PAPPA: variants seen among roughly 807,000 people sequenced by gnomAD.
PAPPA encodes pappalysin 1.
Under a neutral mutation model 164.0 loss-of-function variants are expected in PAPPA, and 60 were observed. The observed-to-expected ratio is 0.37, with a 90% confidence interval of 0.30 to 0.45. The LOEUF is 0.45. Ranked by LOEUF, PAPPA falls within the 20% of genes least tolerant of loss-of-function variation. The probability of loss-of-function intolerance (pLI) is 1.00; values close to 1 mark genes in which losing one functional copy is unlikely to be tolerated. For synonymous variants in PAPPA, 875 were observed against 814.1 expected, an observed-to-expected ratio of 1.07 and a Z score of -1.27; for missense variants, 1,782 against 2,087.3, an observed-to-expected ratio of 0.85 and a Z score of 2.85.
chr9:116,364,152 T>C (rs1846468183), intron 18 of PAPPA, among the ~76,000 whole-genome samples: 1 of 152,178 alleles, frequency 6.6e-6, no homozygotes, highest in Non-Finnish European at 1.5e-5. Context: ...GCCAACACTT[T>C]CTCCTTTCCA....
At chr9:116,243,003 G>A (rs910902184) in intron 7 of PAPPA, among the ~76,000 whole-genome samples, 2 of 152,050 alleles carry the variant, frequency 1.3e-5, no homozygotes, top group African/African-American at 4.8e-5. Context: ...TCCTTAAGAT[G>A]GGCCTCATCT....
intron 1 of PAPPA, among the ~76,000 whole-genome samples, chr9:116,166,021 A>G (rs1564171721): frequency 6.6e-6 from 1 of 152,204 alleles, no homozygotes; most frequent in Non-Finnish European, 1.5e-5. Context: ...TTGTTTAATA[A>G]ATGGATAACT....
chr9:116,294,803 G>C (rs1032804151), intron 9 of PAPPA, among the ~76,000 whole-genome samples: 1 of 152,082 alleles, frequency 6.6e-6, no homozygotes, highest in African/African-American at 2.4e-5. Context: ...TTTTTTTCTG[G>C]CCTTTAAAGA....
At chr9:116,299,673 T>C (rs564484674) in intron 9 of PAPPA, among the ~76,000 whole-genome samples, 9 of 152,168 alleles carry the variant, frequency 5.9e-5, no homozygotes, top group Admixed American at 3.9e-4. Context: ...CTGTGGCATG[T>C]AGGGAGAAGA....
At chr9:116,281,234 G>A (rs373261107) in intron 9 of PAPPA, among the ~76,000 whole-genome samples, 269 of 152,178 alleles carry the variant, frequency 1.8e-3, no homozygotes, top group Admixed American at 3.6e-3. Flanking sequence ...CCAATGCTTC[G>A]AAGATACCTA....
intron 13 of PAPPA, among the ~76,000 whole-genome samples, chr9:116,344,036 G>T (rs571120284): frequency 6.6e-6 from 1 of 152,236 alleles, no homozygotes; most frequent in East Asian, 1.9e-4. Context: ...AAAGTGCTGG[G>T]ATTACAGGCA....
At chr9:116,275,581 C>T (rs1845186753) in intron 9 of PAPPA, among the ~76,000 whole-genome samples, 1 of 152,016 alleles carries the variant, frequency 6.6e-6, no homozygotes, top group Non-Finnish European at 1.5e-5. Context: ...GAATGACTTT[C>T]TTCCTTCCAC....
chr9:116,303,943 G>A (rs761407568), intron 10 of PAPPA, among the ~76,000 whole-genome samples: 3 of 152,144 alleles, frequency 2.0e-5, no homozygotes, highest in Non-Finnish European at 2.9e-5. Context: ...CATCACTAAA[G>A]CCTTTATTCA....
chr9:116,219,766 C>T (rs535582271), intron 4 of PAPPA, among the ~76,000 whole-genome samples, 171 bp from the exon 5 acceptor site: 1 of 152,266 alleles, frequency 6.6e-6, no homozygotes, highest in South Asian at 2.1e-4. Flanking sequence ...GTGATGACTA[C>T]ACTAATTTGT....
chr9:116,372,905 G>C (rs1649324955), intron 19 of PAPPA, among the ~76,000 whole-genome samples: 1 of 152,196 alleles, frequency 6.6e-6, no homozygotes, highest in Admixed American at 6.5e-5. Context: ...GAGGCTCAAA[G>C]AGGTTGTCAT....
At chr9:116,280,979 A>G (rs1225048862) in intron 9 of PAPPA, among the ~76,000 whole-genome samples, 1 of 152,232 alleles carries the variant, frequency 6.6e-6, no homozygotes, top group Non-Finnish European at 1.5e-5. Flanking sequence ...ACATCCTCAG[A>G]TTCAACCAAT....
At chr9:116,178,641 A>G (rs957320629) in intron 1 of PAPPA, among the ~76,000 whole-genome samples, 3 of 152,214 alleles carry the variant, frequency 2.0e-5, no homozygotes, top group African/African-American at 4.8e-5. Flanking sequence ...GCCTCACACC[A>G]CTGTCCATGT....
rs138444890 is a variant in PAPPA, at chr9:116,158,050, A to G, written c.415+3463A>G. Among the ~76,000 whole-genome samples, 1,455 of 151,972 alleles carry G rather than the reference A, an allele frequency of 9.6e-3. 39 individuals are homozygous for G. Among genetic ancestry groups the G allele is most frequent in the African/African-American group, 0.033 (1,386 of 41,428 alleles). ...ACCCCACAAGTACTGCCCTCCTCCC[A>G]CCCCTGTCCCACTCCCCTTGCCTTA... On this transcript the variant is annotated intron_variant, in intron 1 of 21. Coordinates refer to ENST00000328252, the MANE Select transcript of PAPPA (RefSeq NM_002581.5).
At chr9:116,353,561 C>A in intron 16 of PAPPA, 61 bp from the exon 17 acceptor site, 1 of 1,456,448 alleles carries the variant, frequency 6.9e-7, no homozygotes, top group Non-Finnish European at 9.4e-7. Flanking sequence ...GGTGTTCATG[C>A]AGGGCATGGA....
chr9:116,384,581 C>CTT (rs1846780677), intron 21 of PAPPA, among the ~76,000 whole-genome samples: 1 of 151,968 alleles, frequency 6.6e-6, no homozygotes, highest in Non-Finnish European at 1.5e-5. Context: ...TTATTTTTAA[C>CTT]TTTTGGATTA....
chr9:116,352,824 G>A lies in PAPPA; in HGVS notation c.4083G>A (p.Arg1361=). 1 of 1,613,940 alleles carries A rather than the reference G, an allele frequency of 6.2e-7. No homozygotes were observed. Among genetic ancestry groups the A allele is most frequent in the Non-Finnish European group, 8.5e-7 (1 of 1,179,916 alleles). ...CCAATGCAGACCTCCAGACCGCCCG[G>A]TGCCGAGAGAATAAGCACAAGGTGG... ...PVPNADLQTA[R]CRENKHKVGS... is the part of the protein sequence containing the mutation. Residue 1361 remains arginine, a synonymous_variant, in exon 16 of 22, where the codon CGG becomes CGA. Transcript: ENST00000328252.
chr9:116,202,086 G>A (rs919248033), intron 2 of PAPPA, among the ~76,000 whole-genome samples: 11 of 152,210 alleles, frequency 7.2e-5, no homozygotes, highest in African/African-American at 2.7e-4. Flanking sequence ...AGAGTCCTCA[G>A]TCTTGATCTG....
Position 116,334,991 on chromosome 9 carries a change from G to A in PAPPA, c.3528G>A (p.Val1176=). ...FSSPLVAISG[V]ALRSFDNFDP... The stretch of plus-strand genomic sequence containing the variant: ...CGCCCCTGGTCGCCATCTCGGGGGT[G>A]GCCCTCCGTTCCTTCGACAACTTTG... Residue 1176 remains valine, a synonymous_variant, in exon 13 of 22, where the codon GTG becomes GTA. Transcript: ENST00000328252. The A allele has an allele frequency of 1.2e-6, 2 of 1,611,780 alleles. No homozygotes were observed. The highest frequency in any genetic ancestry group is 1.7e-6 in the Non-Finnish European group (2 of 1,179,332).
At chr9:116,362,819 G>C (rs1846447308) in intron 18 of PAPPA, 80 bp downstream of exon 18, 1 of 1,381,376 alleles carries the variant, frequency 7.2e-7, no homozygotes, top group Non-Finnish European at 1.0e-6. Flanking sequence ...GTGGGTCATT[G>C]AACACCCTGG....
Sources: gnomAD v4.1 joint callset for allele counts (sites outside exome capture counted in the v4.1 genomes callset) on GRCh38, gnomAD v4.1.1 for gene constraint, MANE v1.5 for transcripts, NCBI Gene and HGNC (gene_info 2026-07-23, HGNC 2026-07-21) for gene names.